The following SEMA5A variants were observed in gnomAD, a reference collection of about 807,000 sequenced individuals.
SEMA5A encodes semaphorin 5A.
In SEMA5A, 55 loss-of-function variants were observed where a neutral mutation model predicts 135.5. That is an observed-to-expected ratio of 0.41 (90% CI 0.33 to 0.51). The LOEUF is 0.51. Ranked by LOEUF, SEMA5A falls within the 20% of genes least tolerant of loss-of-function variation. SEMA5A has a pLI of 0.37. For missense variants in SEMA5A, 1,290 were observed against 1,419.9 expected, an observed-to-expected ratio of 0.91 and a Z score of 1.47; for synonymous variants, 580 against 546.5, an observed-to-expected ratio of 1.06 and a Z score of -0.85.
intron 3 of SEMA5A, among the ~76,000 whole-genome samples, chr5:9,360,501 G>T (rs2126370448): frequency 6.6e-6 from 1 of 152,296 alleles, no homozygotes; most frequent in Admixed American, 6.5e-5. Flanking sequence ...TTTTTATTAA[G>T]TCCAGTACCT....
chr5:9,133,842 A>G (rs1741577038), intron 13 of SEMA5A, among the ~76,000 whole-genome samples: 1 of 144,658 alleles, frequency 6.9e-6, no homozygotes, highest in African/African-American at 2.6e-5. Flanking sequence ...TGCAGTAGTG[A>G]TATGCTTTGG....
chr5:9,404,855 G>A (rs1756812823), intron 2 of SEMA5A, among the ~76,000 whole-genome samples: 1 of 152,164 alleles, frequency 6.6e-6, no homozygotes, highest in East Asian at 1.9e-4. Flanking sequence ...ATGTAAAAAG[G>A]ATACTGCCAT....
chr5:9,497,709 C>T (rs1385156495), intron 1 of SEMA5A, among the ~76,000 whole-genome samples: 1 of 152,200 alleles, frequency 6.6e-6, no homozygotes, highest in Admixed American at 6.5e-5. Context: ...ACAGGGATGT[C>T]AATATCTTCC....
At chr5:9,177,378 G>T (rs1189117539) in intron 11 of SEMA5A, among the ~76,000 whole-genome samples, 1 of 152,194 alleles carries the variant, frequency 6.6e-6, no homozygotes, top group Non-Finnish European at 1.5e-5. Flanking sequence ...CAGGTATAAA[G>T]ACACAACTGT....
At chr5:9,181,890 G>T (rs13356945) in intron 11 of SEMA5A, among the ~76,000 whole-genome samples, 15,299 of 151,396 alleles carry the variant, frequency 0.1, 1,296 homozygotes, top group African/African-American at 0.2. Flanking sequence ...ACTCCCAGCC[G>T]CAGAGTCCCT....
At chr5:9,236,453 A>G (rs1202642190) in intron 6 of SEMA5A, among the ~76,000 whole-genome samples, 1 of 152,216 alleles carries the variant, frequency 6.6e-6, no homozygotes, top group African/African-American at 2.4e-5. Context: ...CAACCCCCAC[A>G]TTGAGACTCA....
intron 18 of SEMA5A, among the ~76,000 whole-genome samples, chr5:9,057,182 G>C (rs1040834494): frequency 1.3e-5 from 2 of 152,156 alleles, no homozygotes; most frequent in Non-Finnish European, 2.9e-5. Context: ...TTCAAAATGA[G>C]TAAGATCTAG....
At chr5:9,444,103 AAT>A (rs1353455355) in intron 1 of SEMA5A, among the ~76,000 whole-genome samples, 2 of 152,234 alleles carry the variant, frequency 1.3e-5, no homozygotes, top group Non-Finnish European at 2.9e-5. Context: ...TCAAATGAAA[AAT>A]GATGTAATTT....
intron 2 of SEMA5A, among the ~76,000 whole-genome samples, chr5:9,395,979 C>G (rs991459061): frequency 6.6e-6 from 1 of 152,068 alleles, no homozygotes; most frequent in Admixed American, 6.6e-5. Context: ...AGATGTTTCC[C>G]AAGCACAAAT....
rs569188427 is a variant in SEMA5A, at chr5:9,080,906, C to G, written c.2074-14260G>C. Among the ~76,000 whole-genome samples, 7 of 152,308 alleles carry G rather than the reference C, an allele frequency of 4.6e-5. No homozygotes were observed. The East Asian group carries it at 1.3e-3, about 29-fold the overall frequency. On this transcript the variant is annotated intron_variant, in intron 16 of 22. Coordinates refer to ENST00000382496, the MANE Select transcript of SEMA5A (RefSeq NM_003966.3). Reference sequence around the variant, plus strand: ...AGATTCCCACCACCTGGGTGTCATGCTCTGCATAATCTTCTCTCTTGGAGT... The same window carrying G: ...AGATTCCCACCACCTGGGTGTCATGGTCTGCATAATCTTCTCTCTTGGAGT...
At chr5:9,425,108 T>A (rs1273691596) in intron 2 of SEMA5A, among the ~76,000 whole-genome samples, 1 of 152,226 alleles carries the variant, frequency 6.6e-6, no homozygotes, top group African/African-American at 2.4e-5. Flanking sequence ...CTCTGTGGTC[T>A]CAATTCACAC....
chr5:9,165,675 CAG>C (rs1451012499), intron 11 of SEMA5A, among the ~76,000 whole-genome samples: 2 of 152,306 alleles, frequency 1.3e-5, no homozygotes, highest in African/African-American at 4.8e-5. Flanking sequence ...CTCATCGACC[CAG>C]AGTCACTGCA....
intron 16 of SEMA5A, among the ~76,000 whole-genome samples, chr5:9,067,405 G>GGGATACAGGAGTTGACCTT (rs1484323824): frequency 2.0e-5 from 3 of 152,128 alleles, no homozygotes; most frequent in Non-Finnish European, 4.4e-5. Context: ...CCCAACAGGA[G>GGGATACAGGAGTTGACCTT]GGATACAGGA....
In SEMA5A at chr5:9,263,219, G is replaced by C. The variant is rs558693700; in HGVS notation, c.271-25329C>G. Reference sequence around the variant, plus strand: ...CCCATTCCCCATTCTTTTTTACTCCGTCCTCCAGGTCATCTAAGTCAGGGG... The same window carrying C: ...CCCATTCCCCATTCTTTTTTACTCCCTCCTCCAGGTCATCTAAGTCAGGGG... On this transcript the variant is annotated intron_variant, in intron 5 of 22. Transcript: ENST00000382496. 2.0e-5 allele frequency among the ~76,000 whole-genome samples: 3 copies of C among 152,032 alleles called. No individual in the cohort carries two copies. In the South Asian group the frequency reaches 6.2e-4, roughly 32 times the overall value.
chr5:9,486,868 C>A (rs748121050), intron 1 of SEMA5A, among the ~76,000 whole-genome samples: 1 of 152,078 alleles, frequency 6.6e-6, no homozygotes, highest in African/African-American at 2.4e-5. Context: ...ACACTGAATG[C>A]TAAAAGACAA....
intron 16 of SEMA5A, among the ~76,000 whole-genome samples, chr5:9,088,657 T>TACACAC (rs1378244247): frequency 1.1e-5 from 1 of 88,092 alleles, no homozygotes; most frequent in African/African-American, 4.3e-5. Flanking sequence ...TATATATATA[T>TACACAC]ATACACACAC....
chr5:9,456,899 A>T (rs1758859390), intron 1 of SEMA5A, among the ~76,000 whole-genome samples: 1 of 152,136 alleles, frequency 6.6e-6, no homozygotes, highest in Non-Finnish European at 1.5e-5. Context: ...GATCAGAAGT[A>T]CCCTGCCCTG....
Position 9,167,700 on chromosome 5 carries a change from C to T in SEMA5A, c.1274-13005G>A, listed in dbSNP as rs571505367. ...CAGGCCAGCTCAGTTTTTCCAAAGT[C>T]TGTGTGCTTATGGAAGGTATTCTTC... is the stretch of plus-strand genomic sequence containing the variant. On this transcript the variant is annotated intron_variant, in intron 11 of 22. Transcript: ENST00000382496. Among the ~76,000 whole-genome samples, 3 of 152,288 alleles carry T rather than the reference C, an allele frequency of 2.0e-5. No individual in the cohort carries two copies. The East Asian group carries it at 5.8e-4, about 29-fold the overall frequency.
intron 1 of SEMA5A, among the ~76,000 whole-genome samples, chr5:9,480,868 G>A (rs1462353211): frequency 6.6e-6 from 1 of 152,292 alleles, no homozygotes; most frequent in East Asian, 1.9e-4. Context: ...ACATAGATAT[G>A]CTCAGTTTAT....
Sources: gnomAD v4.1 joint callset for allele counts (sites outside exome capture counted in the v4.1 genomes callset) on GRCh38, gnomAD v4.1.1 for gene constraint, MANE v1.5 for transcripts, NCBI Gene and HGNC (gene_info 2026-07-23, HGNC 2026-07-21) for gene names.